Variants in ABHD13 observed in about 807,000 individuals in gnomAD.
ABHD13 encodes protein ABHD13.
A neutral mutation model predicts 25.2 loss-of-function variants in ABHD13; 7 were observed. The observed-to-expected ratio is 0.28, with a 90% CI of 0.16 to 0.52. The LOEUF (loss-of-function observed/expected upper bound fraction) is 0.52, where lower values mean the gene tolerates loss of function less well. Ranked by LOEUF, ABHD13 falls within the 20% of genes least tolerant of loss-of-function variation. The pLI is 0.96. For synonymous variants in ABHD13, 133 were observed against 136.1 expected (o/e 0.98, Z 0.16); for missense variants, 302 against 402.7 (o/e 0.75, Z 2.14).
Position 108,229,274 on chromosome 13 carries a change from C to A in ABHD13, c.56C>A (p.Ala19Asp). 6.3e-7 allele frequency: 1 copy of A among 1,594,638 alleles called. No homozygotes were observed. The change falls in exon 2 of 2, where the codon GCT becomes GAT. Residue 19 changes from alanine (A) to aspartate (D), a missense_variant. Physicochemically the swap from Ala to Asp is moderately radical, Grantham distance 126 (BLOSUM62 -2). Transcript: ENST00000375898. The surrounding 1 kb of genome is among the most constrained non-coding windows in gnomAD (Gnocchi z 4.7). ...NFVERWLIAL[A>D]SWSWALCRIS... ...GTTGAAAGATGGCTAATAGCCTTGGCTTCATGGTCTTGGGCTCTCTGCCGT... is the reference window on the plus strand; with the variant it reads ...GTTGAAAGATGGCTAATAGCCTTGGATTCATGGTCTTGGGCTCTCTGCCGT...
Position 108,232,747 on chromosome 13 carries a change from T to G in ABHD13, c.*2515T>G, listed in dbSNP as rs182838039. On this transcript the variant is annotated 3_prime_UTR_variant, in exon 2 of 2. Coordinates refer to ENST00000375898, the MANE Select transcript of ABHD13 (RefSeq NM_032859.3). ...TTAAATATGGCAAGATACAGCTCAT[T>G]TAGAATAAAATCTCACATCCATTAT... The G allele has an allele frequency of 2.4e-5, 4 of 166,916 alleles. No homozygotes were observed. In the East Asian group the frequency reaches 7.7e-4, roughly 32 times the overall value. The allele number at this position is 166,916 out of a possible 1,614,324, so 10.3% of individuals were successfully genotyped here.
Position 108,229,064 on chromosome 13 carries a change from A to G in ABHD13, c.-20-135A>G, listed in dbSNP as rs2139013816. 1.8e-6 allele frequency: 1 copy of G among 545,346 alleles called. No homozygotes were observed. Among genetic ancestry groups the G allele is most frequent in the East Asian group, 3.2e-5 (1 of 30,944 alleles). 33.8% of individuals were successfully genotyped at this position (545,346 alleles called of 1,614,324 possible). A position where few individuals can be genotyped will look rare whatever the true frequency, so the allele number is the denominator to read the frequency against. On this transcript the variant is annotated intron_variant, in intron 1 of 1. Transcript: ENST00000375898. This position sits in a 1 kb window ranked among gnomAD's most constrained non-coding sequence, Gnocchi z 4.7. ...AAGGACAAGGGAAATTATAGCAGCT[A>G]CTTTTGTGGATGGACTGTACCTATT... is the stretch of plus-strand genomic sequence containing the variant.
chr13:108,233,648 T>A lies in ABHD13; in HGVS notation c.*3416T>A, dbSNP rs1172541773. ...GGAAATGACAGAGCACAGACATTTATTTTTTAAATTGATAGGGTAGAAAAT... is the reference window on the plus strand; with the variant it reads ...GGAAATGACAGAGCACAGACATTTAATTTTTAAATTGATAGGGTAGAAAAT... On this transcript the variant is annotated 3_prime_UTR_variant, in exon 2 of 2. Transcript: ENST00000375898. 1 of 166,454 alleles carries A rather than the reference T, an allele frequency of 6.0e-6. No homozygotes were observed. Among genetic ancestry groups the A allele is most frequent in the African/African-American group, 2.4e-5 (1 of 41,168 alleles). The allele number at this position is 166,454 out of a possible 1,614,324, so 10.3% of individuals were successfully genotyped here.
In ABHD13 at chr13:108,233,208, G is replaced by A. The variant is rs759818154; in HGVS notation, c.*2976G>A. 1.2e-5 allele frequency: 2 copies of A among 166,718 alleles called. No individual in the cohort carries two copies. Among genetic ancestry groups the A allele is most frequent in the African/African-American group, 4.8e-5 (2 of 41,402 alleles). The allele number at this position is 166,718 out of a possible 1,614,324, so 10.3% of individuals were successfully genotyped here. On this transcript the variant is annotated 3_prime_UTR_variant, in exon 2 of 2. Transcript: ENST00000375898. ...AATATGTCACTGGAGTAATTACGCT[G>A]TAATACCTGTTGAGAATTCATACCA...
chr13:108,218,450 G>C lies in ABHD13; in HGVS notation c.-230G>C, dbSNP rs961615986. On this transcript the variant is annotated 5_prime_UTR_variant, in exon 1 of 2. Transcript: ENST00000375898. ...ACGGAGAACAGGTTATGTGGGAGCC[G>C]GCGGGGGCATTTGCCGGCGACACCC... The C allele has an allele frequency of 5.3e-5, 8 of 152,340 alleles. No individual in the cohort carries two copies. In the East Asian group the frequency reaches 1.2e-3, roughly 22 times the overall value. The allele number at this position is 152,340 out of a possible 1,614,324, so 9.4% of individuals were successfully genotyped here. A position where few individuals can be genotyped will look rare whatever the true frequency, so the allele number is the denominator to read the frequency against.
intron 1 of ABHD13, among the ~76,000 whole-genome samples, chr13:108,219,240 A>G (rs982945661): frequency 2.0e-5 from 3 of 152,214 alleles, no homozygotes; most frequent in African/African-American, 7.2e-5. Context: ...TCAAAAAAGC[A>G]CCCCATACAA....
intron 1 of ABHD13, among the ~76,000 whole-genome samples, chr13:108,224,001 T>C (rs773175427): frequency 3.3e-5 from 5 of 152,246 alleles, no homozygotes; most frequent in Non-Finnish European, 5.9e-5. Flanking sequence ...CCTGGAGTTA[T>C]GTTTTGTCCT....
chr13:108,232,586 G>C lies in ABHD13; in HGVS notation c.*2354G>C, dbSNP rs1034326012. On this transcript the variant is annotated 3_prime_UTR_variant, in exon 2 of 2. Coordinates refer to ENST00000375898, the MANE Select transcript of ABHD13 (RefSeq NM_032859.3). ...GTCACTCCTTTACTGTGGACCCATT[G>C]CTTAGTGGGAATGGAAGTATATGTA... 1.8e-5 allele frequency: 3 copies of C among 166,850 alleles called. No homozygotes were observed. The highest frequency in any genetic ancestry group is 7.2e-5 in the African/African-American group (3 of 41,442). The allele number at this position is 166,850 out of a possible 1,614,324, so 10.3% of individuals were successfully genotyped here.
chr13:108,229,329 T>C lies in ABHD13; in HGVS notation c.111T>C (p.Phe37=), dbSNP rs1186432788. The stretch of plus-strand genomic sequence containing the variant: ...CTCTTTTACCTTTAATAGTGACTTT[T>C]CATCTGTATGGAGGCATTATCTTAC... The part of the protein sequence containing the change: ...RISLLPLIVT[F]HLYGGIILLL... Residue 37 remains phenylalanine (F), a synonymous_variant, in exon 2 of 2, where the codon TTT becomes TTC. Coordinates refer to ENST00000375898, the MANE Select transcript of ABHD13 (RefSeq NM_032859.3). This position sits in a 1 kb window ranked among gnomAD's most constrained non-coding sequence, Gnocchi z 4.7. The C allele has an allele frequency of 1.2e-6, 2 of 1,612,770 alleles. No individual in the cohort carries two copies.
At chr13:108,228,534 G>A (rs1018692691) in intron 1 of ABHD13, among the ~76,000 whole-genome samples, 9 of 151,170 alleles carry the variant, frequency 6.0e-5, no homozygotes, top group Admixed American at 3.3e-4. Context: ...AATTATTTAA[G>A]TTTAGTATTA....
rs1879871443 is a variant in ABHD13, at chr13:108,234,096, T to C, written c.*3864T>C. On this transcript the variant is annotated 3_prime_UTR_variant, in exon 2 of 2. Transcript: ENST00000375898. Reference sequence around the variant, plus strand: ...TTTTATTTGAAGTGATAAAATTTTATAACTCAAATTTGAATGTCATAGTAC... The same window carrying C: ...TTTTATTTGAAGTGATAAAATTTTACAACTCAAATTTGAATGTCATAGTAC... 6.0e-6 allele frequency: 1 copy of C among 166,936 alleles called. No homozygotes were observed. Among genetic ancestry groups the C allele is most frequent in the Non-Finnish European group, 1.5e-5 (1 of 67,986 alleles). The allele number at this position is 166,936 out of a possible 1,614,324, so 10.3% of individuals were successfully genotyped here. A position where few individuals can be genotyped will look rare whatever the true frequency, so the allele number is the denominator to read the frequency against.
rs762906391 is a variant in ABHD13, at chr13:108,230,013, A to G, written c.795A>G (p.Gly265=). 2.4e-5 allele frequency: 39 copies of G among 1,612,944 alleles called. 2 individuals are homozygous for G. The South Asian group carries it at 4.2e-4, about 17-fold the overall frequency. Residue 265 remains glycine (G), a synonymous_variant, in exon 2 of 2, where the codon GGA becomes GGG. Coordinates refer to ENST00000375898, the MANE Select transcript of ABHD13 (RefSeq NM_032859.3). Reference sequence around the variant, plus strand: ...GAATGCCTTCACTTTTCATCTCTGGACTCTCAGATCAATTAATTCCACCAG... The same window carrying G: ...GAATGCCTTCACTTTTCATCTCTGGGCTCTCAGATCAATTAATTCCACCAG... The part of the protein sequence containing the change: ...QCRMPSLFIS[G]LSDQLIPPVM...
At position 108,233,219 on chromosome 13, in the gene ABHD13, T is replaced by G. The variant is rs1277734476; in HGVS notation, c.*2987T>G. The stretch of plus-strand genomic sequence containing the variant: ...GGAGTAATTACGCTGTAATACCTGT[T>G]GAGAATTCATACCATCTGATGCTTA... On this transcript the variant is annotated 3_prime_UTR_variant, in exon 2 of 2. Transcript: ENST00000375898. The G allele has an allele frequency of 6.0e-6, 1 of 166,828 alleles. No homozygotes were observed. Among genetic ancestry groups the G allele is most frequent in the Non-Finnish European group, 1.5e-5 (1 of 68,010 alleles). The allele number at this position is 166,828 out of a possible 1,614,324, so 10.3% of individuals were successfully genotyped here.
intron 1 of ABHD13, among the ~76,000 whole-genome samples, chr13:108,219,394 TAGAAAG>T (rs1566377924): frequency 6.6e-6 from 1 of 152,220 alleles, no homozygotes; most frequent in Admixed American, 6.5e-5. Context: ...AGTAACTGGA[TAGAAAG>T]AGATGAGTAT....
chr13:108,234,198 T>G lies in ABHD13; in HGVS notation c.*3966T>G, dbSNP rs1221910106. 1 of 166,926 alleles carries G rather than the reference T, an allele frequency of 6.0e-6. No homozygotes were observed. Among genetic ancestry groups the G allele is most frequent in the Admixed American group, 6.6e-5 (1 of 15,262 alleles). 10.3% of individuals were successfully genotyped at this position (166,926 alleles called of 1,614,324 possible). ...ATTTCTTTTAAAATATACTTTCTAT[T>G]TTTCTGTACTGACATATGCAATAAA... On this transcript the variant is annotated 3_prime_UTR_variant, in exon 2 of 2. Coordinates refer to ENST00000375898, the MANE Select transcript of ABHD13 (RefSeq NM_032859.3).
rs949984774 is a variant in ABHD13, at chr13:108,231,743, T to G, written c.*1511T>G. ...CAGAGAAGTAATGGGTCAATAATCTTGACCTTAATTTAAAACTTTCAATGG... is the reference window on the plus strand; with the variant it reads ...CAGAGAAGTAATGGGTCAATAATCTGGACCTTAATTTAAAACTTTCAATGG... On this transcript the variant is annotated 3_prime_UTR_variant, in exon 2 of 2. Transcript: ENST00000375898. The G allele has an allele frequency of 3.6e-5, 6 of 166,840 alleles. No individual in the cohort carries two copies. The highest frequency in any genetic ancestry group is 8.8e-5 in the Non-Finnish European group (6 of 67,954). 10.3% of individuals were successfully genotyped at this position (166,840 alleles called of 1,614,324 possible).
At chr13:108,225,865 C>T (rs1050965438) in intron 1 of ABHD13, among the ~76,000 whole-genome samples, 1 of 152,140 alleles carries the variant, frequency 6.6e-6, no homozygotes, top group Non-Finnish European at 1.5e-5. Flanking sequence ...ATTGGCTCTC[C>T]TACTCAGCAG....
rs902615902 is a variant in ABHD13 at position 108,232,787 on chromosome 13, T to A, written c.*2555T>A. 5 of 166,526 alleles carry A rather than the reference T, an allele frequency of 3.0e-5. No homozygotes were observed. Among genetic ancestry groups the A allele is most frequent in the African/African-American group, 1.2e-4 (5 of 41,266 alleles). 10.3% of individuals were successfully genotyped at this position (166,526 alleles called of 1,614,324 possible). The stretch of plus-strand genomic sequence containing the variant: ...ACATCCATTATTTTAAAGGGAATGA[T>A]TGGGGGGAAAAACTGGTGAAAAAGA... On this transcript the variant is annotated 3_prime_UTR_variant, in exon 2 of 2. Coordinates refer to ENST00000375898, the MANE Select transcript of ABHD13 (RefSeq NM_032859.3).
chr13:108,232,605 A>G lies in ABHD13; in HGVS notation c.*2373A>G, dbSNP rs1879831292. 1 of 166,862 alleles carries G rather than the reference A, an allele frequency of 6.0e-6. No homozygotes were observed. Among genetic ancestry groups the G allele is most frequent in the Non-Finnish European group, 1.5e-5 (1 of 68,042 alleles). 10.3% of individuals were successfully genotyped at this position (166,862 alleles called of 1,614,324 possible). On this transcript the variant is annotated 3_prime_UTR_variant, in exon 2 of 2. Transcript: ENST00000375898. ...CCCATTGCTTAGTGGGAATGGAAGT[A>G]TATGTATCTATCTTGTGTATTAACT...
Sources: gnomAD v4.1 joint callset for allele counts (sites outside exome capture counted in the v4.1 genomes callset) on GRCh38, gnomAD v4.1.1 for gene constraint, Gnocchi (gnomAD v3.1) non-coding constraint, MANE v1.5 for transcripts, NCBI Gene and HGNC (gene_info 2026-07-23, HGNC 2026-07-21) for gene names.